PTPRT: variants seen among roughly 807,000 people sequenced by gnomAD.
PTPRT encodes receptor-type tyrosine-protein phosphatase T.
PTPRT carries 56 observed loss-of-function variants against 176.8 expected under a neutral mutation model. The ratio of observed to expected loss-of-function variants is 0.32; its 90% CI spans 0.26 to 0.40. PTPRT has a LOEUF of 0.40. Among genes scored for constraint, PTPRT ranks in the 10% least tolerant of loss-of-function variants. PTPRT has a pLI of 1.00. For synonymous variants in PTPRT, 783 were observed against 739.0 expected, an observed-to-expected ratio of 1.06 and a Z score of -0.96; for missense variants, 1,540 against 1,908.2, an observed-to-expected ratio of 0.81 and a Z score of 3.60.
intron 7 of PTPRT, among the ~76,000 whole-genome samples, chr20:42,663,034 T>C (rs1196845612): frequency 1.3e-5 from 2 of 152,160 alleles, no homozygotes; most frequent in East Asian, 3.9e-4. Context: ...ATACATAATA[T>C]ACAGACATAT....
At chr20:42,591,216 A>C (rs2073568235) in intron 7 of PTPRT, among the ~76,000 whole-genome samples, 1 of 152,142 alleles carries the variant, frequency 6.6e-6, no homozygotes, top group African/African-American at 2.4e-5. Context: ...AGATTGATAA[A>C]TTTGACTACA....
intron 7 of PTPRT, among the ~76,000 whole-genome samples, chr20:42,621,423 A>G (rs2074194251): frequency 6.6e-6 from 1 of 152,214 alleles, no homozygotes; most frequent in Non-Finnish European, 1.5e-5. Context: ...AAAGAGAAAA[A>G]TAAGTTATCT....
chr20:42,242,795 T>C (rs983735968), intron 14 of PTPRT, among the ~76,000 whole-genome samples: 1 of 152,208 alleles, frequency 6.6e-6, no homozygotes. Flanking sequence ...GACTTAGACA[T>C]GTACTTCTTC....
chr20:42,862,111 CT>C (rs917606644), intron 2 of PTPRT, among the ~76,000 whole-genome samples: 28 of 152,038 alleles, frequency 1.8e-4, no homozygotes, highest in East Asian at 5.8e-4. Flanking sequence ...ACATTTTACC[CT>C]TTTTTTTGGT....
intron 3 of PTPRT, among the ~76,000 whole-genome samples, chr20:42,784,528 G>T (rs1006132162): frequency 1.3e-5 from 2 of 152,126 alleles, no homozygotes; most frequent in African/African-American, 4.8e-5. Flanking sequence ...GAGAGAAGTG[G>T]GATGGGTAAG....
At chr20:42,250,180 C>T (rs2056526741) in intron 13 of PTPRT, among the ~76,000 whole-genome samples, 1 of 152,232 alleles carries the variant, frequency 6.6e-6, no homozygotes, top group African/African-American at 2.4e-5. Context: ...ACATCTGTCT[C>T]CTCCAGTGGT....
In PTPRT at chr20:42,238,103, A is replaced by G. The variant is rs11908578; in HGVS notation, c.2313-1845T>C. On this transcript the variant is annotated intron_variant, in intron 14 of 30. Transcript: ENST00000373187. ...GCAACTCTGTGAGTCAGGCACCATT[A>G]CCCTCGTTTTATAATTAAGAGAAAA... is the stretch of plus-strand genomic sequence containing the variant. Among the ~76,000 whole-genome samples, 1,084 of 152,232 alleles carry G rather than the reference A, an allele frequency of 7.1e-3. 18 individuals carry two copies. Among genetic ancestry groups the G allele is most frequent in the African/African-American group, 0.024 (993 of 41,526 alleles).
At chr20:42,505,310 T>C (rs1024344805) in intron 7 of PTPRT, among the ~76,000 whole-genome samples, 1 of 152,144 alleles carries the variant, frequency 6.6e-6, no homozygotes, top group Non-Finnish European at 1.5e-5. Context: ...ATTATTATTA[T>C]TGTTATTTTG....
At chr20:42,806,225 C>G (rs2077606327) in intron 2 of PTPRT, among the ~76,000 whole-genome samples, 3 of 152,014 alleles carry the variant, frequency 2.0e-5, no homozygotes, top group Admixed American at 2.0e-4. Context: ...GTAGCTCACC[C>G]CTGTAATCCC....
chr20:42,766,087 T>A (rs1188259960), intron 5 of PTPRT, among the ~76,000 whole-genome samples: 27 of 152,260 alleles, frequency 1.8e-4, no homozygotes, highest in Admixed American at 1.8e-3. Flanking sequence ...GCTACACTTA[T>A]AATTATGTTG....
intron 2 of PTPRT, among the ~76,000 whole-genome samples, chr20:42,834,808 T>C (rs952738671): frequency 2.0e-5 from 3 of 152,080 alleles, no homozygotes; most frequent in Non-Finnish European, 2.9e-5. Flanking sequence ...CATAAAACTA[T>C]ATATGTGTAC....
intron 1 of PTPRT, among the ~76,000 whole-genome samples, chr20:43,056,661 A>T (rs1304914983): frequency 1.3e-5 from 2 of 152,222 alleles, no homozygotes; most frequent in African/African-American, 4.8e-5. Flanking sequence ...ACCAGGAACA[A>T]CTTTATAGTG....
At chr20:42,398,629 T>C (rs2058874996) in intron 9 of PTPRT, among the ~76,000 whole-genome samples, 1 of 152,190 alleles carries the variant, frequency 6.6e-6, no homozygotes, top group African/African-American at 2.4e-5. Flanking sequence ...TTGATCTGAA[T>C]ATTAAAATTC....
At chr20:42,725,089 A>G (rs1008992270) in intron 6 of PTPRT, among the ~76,000 whole-genome samples, 12 of 150,692 alleles carry the variant, frequency 8.0e-5, no homozygotes, top group African/African-American at 2.9e-4. Context: ...GTTCAATGGA[A>G]TGATCTCGGC....
intron 1 of PTPRT, among the ~76,000 whole-genome samples, chr20:43,084,907 A>C (rs2146295394): frequency 6.6e-6 from 1 of 152,342 alleles, no homozygotes; most frequent in African/African-American, 2.4e-5. Flanking sequence ...GATAAGCAAC[A>C]GGTATTTGCT....
chr20:42,773,242 C>T (rs1298664236), intron 4 of PTPRT, among the ~76,000 whole-genome samples: 8 of 152,152 alleles, frequency 5.3e-5, no homozygotes, highest in African/African-American at 1.9e-4. Flanking sequence ...TGTGTCAGCA[C>T]CTATAAAGCT....
chr20:42,400,158 C>T (rs2058891175), intron 9 of PTPRT, among the ~76,000 whole-genome samples: 2 of 151,602 alleles, frequency 1.3e-5, no homozygotes, highest in Non-Finnish European at 2.9e-5. Flanking sequence ...TTTCTTTTTA[C>T]TAAAGAGACA....
At chr20:43,002,612 C>G (rs1984640207) in intron 1 of PTPRT, among the ~76,000 whole-genome samples, 1 of 151,976 alleles carries the variant, frequency 6.6e-6, no homozygotes, top group South Asian at 2.1e-4. Flanking sequence ...ATTTCAACAG[C>G]TTGGAAATAA....
intron 1 of PTPRT, among the ~76,000 whole-genome samples, chr20:43,006,923 A>G (rs2146142349): frequency 6.6e-6 from 1 of 152,324 alleles, no homozygotes; most frequent in South Asian, 2.1e-4. Flanking sequence ...CTGAGACCAC[A>G]CACAGTAAGT....
Sources: gnomAD v4.1 joint callset for allele counts (sites outside exome capture counted in the v4.1 genomes callset) on GRCh38, gnomAD v4.1.1 for gene constraint, MANE v1.5 for transcripts, NCBI Gene and HGNC (gene_info 2026-07-23, HGNC 2026-07-21) for gene names.